CUX1: variants seen among roughly 807,000 people sequenced by gnomAD.
CUX1 encodes protein CASP.
CUX1 carries 31 observed loss-of-function variants against 158.8 expected under a neutral mutation model. The ratio of observed to expected loss-of-function variants is 0.20; its 90% confidence interval spans 0.15 to 0.26. The LOEUF (loss-of-function observed/expected upper bound fraction) is 0.26. Ranked by LOEUF, CUX1 falls within the 10% of genes least tolerant of loss-of-function variation. CUX1 has a pLI of 1.00. For missense variants in CUX1, 1,589 were observed against 2,014.6 expected, an observed-to-expected ratio of 0.79 and a Z score of 4.04; for synonymous variants, 879 against 862.1, an observed-to-expected ratio of 1.02 and a Z score of -0.34.
At chr7:102,018,200 A>G (rs112643667) in intron 2 of CUX1, among the ~76,000 whole-genome samples, 26 of 152,250 alleles carry the variant, frequency 1.7e-4, no homozygotes, top group African/African-American at 4.6e-4. Context: ...GCCTCAAGCA[A>G]TCCTCCTGTC....
At chr7:101,930,219 T>C (rs1806133130) in intron 2 of CUX1, among the ~76,000 whole-genome samples, 1 of 152,254 alleles carries the variant, frequency 6.6e-6, no homozygotes, top group South Asian at 2.1e-4. Context: ...CTTTTGAGTA[T>C]TTCTTTGAAG....
At chr7:102,194,998 T>C (rs1205826327) in intron 13 of CUX1, among the ~76,000 whole-genome samples, 1 of 151,866 alleles carries the variant, frequency 6.6e-6, no homozygotes, top group Non-Finnish European at 1.5e-5. Context: ...CACTCCAGCC[T>C]GGGCGACAGA....
chr7:101,816,829 TACCCCCGGCC>T, upstream of CUX1: 2 of 735,332 alleles, frequency 2.7e-6, no homozygotes, highest in Non-Finnish European at 3.3e-6. Flanking sequence ...CCGCGCTCGC[TACCCCCGGCC>T]GGCCCCGGCC....
chr7:101,908,177 G>A (rs183661720), intron 1 of CUX1, among the ~76,000 whole-genome samples: 1 of 152,302 alleles, frequency 6.6e-6, no homozygotes, highest in East Asian at 1.9e-4. Flanking sequence ...ATGCATCTAT[G>A]TGTATCTGTG....
chr7:102,041,704 T>C (rs1317972410), intron 3 of CUX1, among the ~76,000 whole-genome samples: 1 of 147,410 alleles, frequency 6.8e-6, no homozygotes, highest in Non-Finnish European at 1.5e-5. Flanking sequence ...AGTCTTGTTC[T>C]GTCACCCAGG....
chr7:102,215,111 A>T (rs1346339507), intron 20 of CUX1, among the ~76,000 whole-genome samples: 1 of 152,146 alleles, frequency 6.6e-6, no homozygotes, highest in Non-Finnish European at 1.5e-5. Flanking sequence ...AGGCCTTCTC[A>T]TTCCAGAGTT....
chr7:102,052,934 A>C (rs1823689688), intron 3 of CUX1, among the ~76,000 whole-genome samples: 1 of 152,008 alleles, frequency 6.6e-6, no homozygotes, highest in Non-Finnish European at 1.5e-5. Flanking sequence ...CGGCCTCCTG[A>C]GTAGCTGGGA....
chr7:101,982,187 C>T (rs369781026), intron 2 of CUX1, among the ~76,000 whole-genome samples: 1 of 152,328 alleles, frequency 6.6e-6, no homozygotes, highest in East Asian at 1.9e-4. Context: ...GTAGTTTCCC[C>T]TGAGAGCTTT....
intron 1 of CUX1, among the ~76,000 whole-genome samples, chr7:101,872,838 C>T (rs1270204450): frequency 1.3e-5 from 2 of 151,828 alleles, no homozygotes; most frequent in African/African-American, 2.4e-5. Context: ...CCATTTTAAT[C>T]ATTTGGGTAT....
intron 23 of CUX1, among the ~76,000 whole-genome samples, chr7:102,241,565 T>C (rs201032997): frequency 2.6e-5 from 4 of 152,032 alleles, no homozygotes; most frequent in South Asian, 2.1e-4. Flanking sequence ...CCCCATAAGG[T>C]CCACTGGAGT....
intron 21 of CUX1, among the ~76,000 whole-genome samples, chr7:102,230,451 C>A (rs957648902): frequency 6.7e-5 from 10 of 148,944 alleles, no homozygotes; most frequent in Non-Finnish European, 1.2e-4. Flanking sequence ...CATCACTGCA[C>A]TCCAGCCTGG....
At chr7:101,868,170 C>T (rs1199459211) in intron 1 of CUX1, among the ~76,000 whole-genome samples, 1 of 152,232 alleles carries the variant, frequency 6.6e-6, no homozygotes, top group Non-Finnish European at 1.5e-5. Context: ...GAATCATTCA[C>T]TTGTGCCTTT....
intron 2 of CUX1, among the ~76,000 whole-genome samples, chr7:101,938,421 T>C (rs1426969684): frequency 6.6e-6 from 1 of 152,172 alleles, no homozygotes; most frequent in Non-Finnish European, 1.5e-5. Context: ...TCCACCATGT[T>C]TGGAGCCTGT....
chr7:102,216,655 TCTCC>T (rs1173680215), intron 20 of CUX1, among the ~76,000 whole-genome samples: 1 of 16,042 alleles, frequency 6.2e-5, no homozygotes. Context: ...ACACACACAC[TCTCC>T]CACACACACT....
intron 1 of CUX1, among the ~76,000 whole-genome samples, chr7:101,841,548 T>TTTTA (rs528663893): frequency 0.021 from 3,146 of 151,586 alleles, 92 homozygotes; most frequent in African/African-American, 0.069. Flanking sequence ...TTTTATTTCA[T>TTTTA]TTTATTTATT....
At chr7:102,091,355 G>A (rs1828564293) in intron 4 of CUX1, among the ~76,000 whole-genome samples, 1 of 151,982 alleles carries the variant, frequency 6.6e-6, no homozygotes, top group Non-Finnish European at 1.5e-5. Context: ...TTTGAGGACA[G>A]GGTCTCGCTC....
intron 2 of CUX1, among the ~76,000 whole-genome samples, chr7:101,942,380 G>A (rs1011166169): frequency 6.6e-6 from 1 of 152,058 alleles, no homozygotes; most frequent in Non-Finnish European, 1.5e-5. Flanking sequence ...GTGTCTTTTC[G>A]ATCTTACCTT....
chr7:102,036,157 G>C (rs895179500), intron 3 of CUX1, among the ~76,000 whole-genome samples: 1 of 151,902 alleles, frequency 6.6e-6, no homozygotes, highest in East Asian at 1.9e-4. Context: ...AGTAAAGACG[G>C]TTTCGCCAGG....
At chr7:101,913,633 T>G (rs1441330793) in intron 1 of CUX1, among the ~76,000 whole-genome samples, 1 of 152,044 alleles carries the variant, frequency 6.6e-6, no homozygotes, top group African/African-American at 2.4e-5. Context: ...GGGTCGGGGC[T>G]GGGACCCCAC....
Sources: allele counts gnomAD v4.1 joint callset (sites outside exome capture counted in the v4.1 genomes callset), GRCh38; gene constraint gnomAD v4.1.1; transcripts MANE v1.5; gene names NCBI Gene and HGNC (gene_info 2026-07-23, HGNC 2026-07-21).